Variants in CYP3A7 observed in about 807,000 individuals in gnomAD.
The protein encoded by CYP3A7 is cytochrome P450 family 3 subfamily A member 7.
A neutral mutation model predicts 55.2 loss-of-function variants in CYP3A7; 45 were observed. That is an observed-to-expected ratio of 0.82 (90% CI 0.64 to 1.05). The LOEUF is 1.05. CYP3A7 is among the 50% of genes least tolerant of loss of function. The pLI is 0.00. For missense variants in CYP3A7, 548 were observed against 605.3 expected (o/e 0.91, Z 0.99); for synonymous variants, 180 against 207.4 (o/e 0.87, Z 1.13).
At chr7:99,714,348 A>G (rs184882975) in intron 8 of CYP3A7, among the ~76,000 whole-genome samples, 1 of 152,172 alleles carries the variant, frequency 6.6e-6, no homozygotes, top group Non-Finnish European at 1.5e-5. Flanking sequence ...TCAAATTTTA[A>G]GTGCTCTCTC....
intron 8 of CYP3A7, 137 bp from the exon 9 acceptor site, chr7:99,713,672 C>T: frequency 8.6e-7 from 1 of 1,164,774 alleles, no homozygotes; most frequent in East Asian, 2.5e-5. Context: ...TTGCCTGAGT[C>T]ACCAGTGAAA....
At chr7:99,711,305 C>T (rs538093893) in intron 9 of CYP3A7, among the ~76,000 whole-genome samples, 39 of 152,264 alleles carry the variant, frequency 2.6e-4, no homozygotes, top group South Asian at 4.2e-4. Flanking sequence ...CTACAATATA[C>T]CTTGACAAAC....
Position 99,714,666 on chromosome 7 carries a change from A to G in CYP3A7, c.687T>C (p.Leu229=). ...TATTTAATGCTTCAAGAATTGGGGT[A>G]AGGAATGGAAAGACTTCTGTAGAAA... ...FVLSIKVFPF[L]TPILEALNIT... is the part of the protein sequence containing the mutation. The change falls in exon 8 of 13, where the codon CTT becomes CTC. Residue 229 remains leucine (L), a synonymous_variant. Transcript: ENST00000336374. 6.2e-7 allele frequency: 1 copy of G among 1,612,640 alleles called. No individual in the cohort carries two copies.
intron 1 of CYP3A7, among the ~76,000 whole-genome samples, chr7:99,731,914 C>T (rs1814643749): frequency 6.6e-6 from 1 of 152,180 alleles, no homozygotes; most frequent in Admixed American, 6.5e-5. Context: ...TCCTGAATGA[C>T]ACTGTGCAGA....
Position 99,731,099 on chromosome 7 carries a change from G to T in CYP3A7, c.125C>A (p.Thr42Lys). The T allele has an allele frequency of 6.2e-7, 1 of 1,613,892 alleles. No individual in the cohort carries two copies. Among genetic ancestry groups the T allele is most frequent in the Admixed American group, 1.7e-5 (1 of 60,016 alleles). ...AGCATTTCCCAAAAAAGGCAGAGGTGTGGGCCCTGGAATTCCAAGCTTCTT... is the reference window on the plus strand; with the variant it reads ...AGCATTTCCCAAAAAAGGCAGAGGTTTGGGCCCTGGAATTCCAAGCTTCTT... ...LFKKLGIPGP[T>K]PLPFLGNALS... Residue 42 changes from threonine (T) to lysine (K), a missense_variant, in exon 2 of 13, where the codon ACA becomes AAA. By Grantham distance (78) the Thr-to-Lys change is moderately conservative. Transcript: ENST00000336374.
rs1301646952 is a variant in CYP3A7 at position 99,705,354 on chromosome 7, T to C, written c.*146A>G. 4.5e-6 allele frequency: 4 copies of C among 881,918 alleles called. No individual in the cohort carries two copies. Among genetic ancestry groups the C allele is most frequent in the Non-Finnish European group, 7.2e-6 (4 of 559,254 alleles). The allele number at this position is 881,918 out of a possible 1,614,324, so 54.6% of individuals were successfully genotyped here. ...CTATACAGACCATGAGAGAGCACAA[T>C]GCACGTACAGAATCCCTGATTATTT... On this transcript the variant is annotated 3_prime_UTR_variant, in exon 13 of 13. Transcript: ENST00000336374.
chr7:99,723,555 T>C (rs545271145), intron 2 of CYP3A7, among the ~76,000 whole-genome samples: 7 of 152,272 alleles, frequency 4.6e-5, no homozygotes, highest in African/African-American at 1.7e-4. Flanking sequence ...TGGTGGTCTC[T>C]TCACATGGAC....
intron 7 of CYP3A7, chr7:99,715,248 T>A (rs1813895520): frequency 5.6e-6 from 1 of 177,332 alleles, no homozygotes; most frequent in Non-Finnish European, 1.2e-5. Context: ...CAGAATGTCA[T>A]GTTATTTAGC....
At chr7:99,730,747 C>A in intron 2 of CYP3A7, 1 of 329,146 alleles carries the variant, frequency 3.0e-6, no homozygotes. Context: ...GCTGTACCTT[C>A]CTGGGAACCT....
rs778955930 is a variant in CYP3A7 at position 99,717,213 on chromosome 7, C to G, written c.485G>C (p.Arg162Pro). ...YGDVLVRNLR[R>P]EAETGKPVTL... ...GACAGGCTTGCCTGTCTCTGCTTCC[C>G]GCCTCAGATTTCTCACCAACACATC... The change falls in exon 6 of 13, where the codon CGG (arginine) becomes CCG (proline). Residue 162 changes from arginine to proline, a missense_variant. Arg to Pro is a moderately radical substitution (Grantham distance 103, BLOSUM62 -2). Transcript: ENST00000336374. 2 of 1,613,894 alleles carry G rather than the reference C, an allele frequency of 1.2e-6. No homozygotes were observed. Among genetic ancestry groups the G allele is most frequent in the South Asian group, 2.2e-5 (2 of 91,084 alleles).
intron 4 of CYP3A7, among the ~76,000 whole-genome samples, chr7:99,718,046 T>C (rs142278156): frequency 4.6e-4 from 70 of 151,932 alleles, no homozygotes; most frequent in African/African-American, 1.6e-3. Context: ...GGTGCCTTGA[T>C]GTGGTAGATT....
intron 8 of CYP3A7, 91 bp from the exon 9 acceptor site, chr7:99,713,626 A>T (rs1294526832): frequency 6.4e-7 from 1 of 1,569,548 alleles, no homozygotes. Context: ...CCCTTCTGAG[A>T]ATATAGCCCC....
At position 99,720,269 on chromosome 7, in the gene CYP3A7, TAATC is replaced by T. The variant is rs368291137; in HGVS notation, c.318+40_318+43del. 38 of 1,607,658 alleles carry T rather than the reference TAATC, an allele frequency of 2.4e-5. No homozygotes were observed. The African/African-American group carries it at 3.7e-4, about 16-fold the overall frequency. On this transcript the variant is annotated intron_variant, in intron 4 of 12. Transcript: ENST00000336374. ...ATATAAGAATTTTAAAATAAAAATT[TAATC>T]AATCAATGAGTATTTTAATTTCAAA...
At chr7:99,717,334 G>T (rs1335668741) in intron 5 of CYP3A7, 69 bp from the exon 6 acceptor site, 1 of 1,610,882 alleles carries the variant, frequency 6.2e-7, no homozygotes, top group African/African-American at 1.3e-5. Context: ...ACATGACTTT[G>T]CCTGGCATGG....
At chr7:99,731,288 T>C (rs1172899504) in intron 1 of CYP3A7, 136 bp from the exon 2 acceptor site, 19 of 949,490 alleles carry the variant, frequency 2.0e-5, no homozygotes, top group Non-Finnish European at 3.0e-5. Context: ...ACAGTAACTC[T>C]GACGGCAATG....
intron 2 of CYP3A7, 133 bp from the exon 3 acceptor site, chr7:99,722,481 G>C: frequency 9.1e-7 from 1 of 1,100,708 alleles, no homozygotes; most frequent in Non-Finnish European, 1.3e-6. Context: ...ATTTAGAGAT[G>C]TCATAAGAGA....
At chr7:99,724,720 C>T (rs1563026522) in intron 2 of CYP3A7, among the ~76,000 whole-genome samples, 1 of 152,162 alleles carries the variant, frequency 6.6e-6, no homozygotes, top group Non-Finnish European at 1.5e-5. Flanking sequence ...CAACAATTTT[C>T]TCTTAGTCAG....
intron 6 of CYP3A7, among the ~76,000 whole-genome samples, chr7:99,716,469 C>T (rs1327539387): frequency 1.3e-5 from 2 of 152,136 alleles, no homozygotes; most frequent in Admixed American, 1.3e-4. Flanking sequence ...TGAGGTTGCC[C>T]TGATGGCAGA....
intron 12 of CYP3A7, among the ~76,000 whole-genome samples, chr7:99,707,592 A>G (rs954001957): frequency 6.6e-6 from 1 of 152,230 alleles, no homozygotes; most frequent in African/African-American, 2.4e-5. Context: ...TAATCATGTC[A>G]TGCTAGTCTA....
Sources: gnomAD v4.1 joint callset for allele counts (sites outside exome capture counted in the v4.1 genomes callset) on GRCh38, gnomAD v4.1.1 for gene constraint, MANE v1.5 for transcripts, NCBI Gene and HGNC (gene_info 2026-07-23, HGNC 2026-07-21) for gene names.